The following ALPK2 variants were observed in gnomAD, a reference collection of about 807,000 sequenced individuals.
ALPK2 encodes alpha kinase 2.
ALPK2 carries 127 observed loss-of-function variants against 163.1 expected under a neutral mutation model. That is an observed-to-expected ratio of 0.78 (90% CI 0.67 to 0.90). ALPK2 has a LOEUF of 0.90. Ranked by LOEUF, ALPK2 falls within the 40% of genes least tolerant of loss-of-function variation. The pLI is 0.00. For synonymous variants in ALPK2, 953 were observed against 959.1 expected (o/e 0.99, Z 0.12); for missense variants, 2,360 against 2,589.6 (o/e 0.91, Z 1.92).
chr18:58,534,686 T>A, intron 5 of ALPK2, 148 bp downstream of exon 5: 1 of 1,053,210 alleles, frequency 9.5e-7, no homozygotes, highest in South Asian at 1.6e-5. Flanking sequence ...TGATGCCACA[T>A]GCTGAAGCCA....
At chr18:58,566,903 A>G (rs1294046364) in intron 4 of ALPK2, among the ~76,000 whole-genome samples, 1 of 152,174 alleles carries the variant, frequency 6.6e-6, no homozygotes, top group African/African-American at 2.4e-5. Flanking sequence ...TGCCTCTAAA[A>G]GTTGTAGTAT....
chr18:58,499,740 T>C (rs1341040072), intron 11 of ALPK2, among the ~76,000 whole-genome samples: 2 of 152,212 alleles, frequency 1.3e-5, no homozygotes, highest in Admixed American at 6.5e-5. Flanking sequence ...CCTCTTGGGC[T>C]CCATGGGCCG....
chr18:58,497,178 G>T (rs185253211), intron 12 of ALPK2, among the ~76,000 whole-genome samples: 58 of 152,278 alleles, frequency 3.8e-4, no homozygotes, highest in African/African-American at 1.3e-3. Flanking sequence ...CTTTTCAATG[G>T]CAACTATCTC....
At chr18:58,584,019 CAAA>C (rs1335767498) in intron 3 of ALPK2, among the ~76,000 whole-genome samples, 1 of 152,070 alleles carries the variant, frequency 6.6e-6, no homozygotes. Context: ...GGAGAGAAAA[CAAA>C]AAGACTTTTA....
At chr18:58,596,244 C>T (rs914915486) in intron 3 of ALPK2, among the ~76,000 whole-genome samples, 6 of 152,230 alleles carry the variant, frequency 3.9e-5, no homozygotes, top group African/African-American at 9.6e-5. Flanking sequence ...GGCTTCCCTT[C>T]GTCTGCCGTT....
intron 4 of ALPK2, among the ~76,000 whole-genome samples, chr18:58,559,662 G>A (rs1358087502): frequency 2.6e-5 from 4 of 152,156 alleles, no homozygotes; most frequent in Non-Finnish European, 4.4e-5. Context: ...GGCTTCTTGA[G>A]TCCCCAAGTG....
At chr18:58,573,961 A>G (rs2051905278) in intron 4 of ALPK2, among the ~76,000 whole-genome samples, 1 of 152,174 alleles carries the variant, frequency 6.6e-6, no homozygotes, top group African/African-American at 2.4e-5. Flanking sequence ...TTTCCAGGTG[A>G]GGAAACCAGC....
At chr18:58,554,773 G>T (rs908228463) in intron 4 of ALPK2, among the ~76,000 whole-genome samples, 1 of 152,122 alleles carries the variant, frequency 6.6e-6, no homozygotes, top group Non-Finnish European at 1.5e-5. Context: ...ATATGGTTTG[G>T]CTGTGTCCCC....
At chr18:58,606,698 C>T (rs1363903172) in intron 3 of ALPK2, among the ~76,000 whole-genome samples, 2 of 152,176 alleles carry the variant, frequency 1.3e-5, no homozygotes, top group African/African-American at 4.8e-5. Flanking sequence ...CATAATGGCA[C>T]TGTGACCAAT....
intron 4 of ALPK2, among the ~76,000 whole-genome samples, chr18:58,573,346 G>GTA (rs770735691): frequency 0.12 from 16,903 of 135,578 alleles, 1,068 homozygotes; most frequent in East Asian, 0.17. Context: ...GTATATATAT[G>GTA]TATATATATA....
chr18:58,548,916 G>A (rs1449564272), intron 4 of ALPK2, among the ~76,000 whole-genome samples: 1 of 152,164 alleles, frequency 6.6e-6, no homozygotes, highest in African/African-American at 2.4e-5. Context: ...TGCCTCTTCA[G>A]TCTGGTTCTC....
chr18:58,512,761 T>G (rs1404430669), intron 10 of ALPK2, among the ~76,000 whole-genome samples: 1 of 149,334 alleles, frequency 6.7e-6, no homozygotes, highest in African/African-American at 2.5e-5. Context: ...GTTGTGTGTA[T>G]GTGTATGTGT....
At position 58,481,776 on chromosome 18, in the gene ALPK2, C is replaced by G. The variant is rs536578168; in HGVS notation, c.*47G>C. Reference sequence around the variant, plus strand: ...CTGTGTGGCCTCAGATTTTCCCTGGCGAGATTGTGTGCTGCTAGCCAGTGG... The same window carrying G: ...CTGTGTGGCCTCAGATTTTCCCTGGGGAGATTGTGTGCTGCTAGCCAGTGG... On this transcript the variant is annotated 3_prime_UTR_variant, in exon 13 of 13. Coordinates refer to ENST00000361673, the MANE Select transcript of ALPK2 (RefSeq NM_052947.4). The G allele has an allele frequency of 6.7e-6, 10 of 1,496,730 alleles. No individual in the cohort carries two copies. The South Asian group carries it at 1.1e-4, about 17-fold the overall frequency. 92.7% of individuals were successfully genotyped at this position (1,496,730 alleles called of 1,614,324 possible). A position where few individuals can be genotyped will look rare whatever the true frequency, so the allele number is the denominator to read the frequency against.
At chr18:58,567,163 A>G (rs1317236898) in intron 4 of ALPK2, among the ~76,000 whole-genome samples, 5 of 151,990 alleles carry the variant, frequency 3.3e-5, no homozygotes, top group African/African-American at 1.2e-4. Flanking sequence ...AAGCAGGCAG[A>G]TCACCTGAGG....
rs540528401 is a variant in ALPK2 at position 58,512,782 on chromosome 18, T to C, written c.6029+2211A>G. Among the ~76,000 whole-genome samples the C allele has an allele frequency of 4.7e-5, 7 of 148,316 alleles. No individual in the cohort carries two copies. The South Asian group carries it at 1.5e-3, about 32-fold the overall frequency. ...TGTATGTGTATGTGTGTGGTGTGTGTGGTGTGTGGGGGTGTGTGTGATGTG... is the reference window on the plus strand; with the variant it reads ...TGTATGTGTATGTGTGTGGTGTGTGCGGTGTGTGGGGGTGTGTGTGATGTG... On this transcript the variant is annotated intron_variant, in intron 10 of 12. Coordinates refer to ENST00000361673, the MANE Select transcript of ALPK2 (RefSeq NM_052947.4).
At chr18:58,609,212 C>T (rs1472127044) in intron 2 of ALPK2, among the ~76,000 whole-genome samples, 1 of 151,464 alleles carries the variant, frequency 6.6e-6, no homozygotes, top group African/African-American at 2.4e-5. Context: ...CAGGTAAACA[C>T]CTGAGTAGTT....
At chr18:58,548,772 G>C (rs2051733665) in intron 4 of ALPK2, among the ~76,000 whole-genome samples, 1 of 152,110 alleles carries the variant, frequency 6.6e-6, no homozygotes, top group Admixed American at 6.5e-5. Context: ...TCGCTGAGAG[G>C]GACAACAACA....
At chr18:58,600,392 T>A (rs1236259177) in intron 3 of ALPK2, among the ~76,000 whole-genome samples, 1 of 152,196 alleles carries the variant, frequency 6.6e-6, no homozygotes, top group East Asian at 1.9e-4. Flanking sequence ...GTTTCATTCA[T>A]GAACAACAAC....
At position 58,578,905 on chromosome 18, in the gene ALPK2, T is replaced by A. The variant is rs1390230832; in HGVS notation, c.1871A>T (p.Lys624Ile). 33 of 1,614,226 alleles carry A rather than the reference T, an allele frequency of 2.0e-5. No homozygotes were observed. Among genetic ancestry groups the A allele is most frequent in the Non-Finnish European group, 2.8e-5 (33 of 1,180,044 alleles). The change falls in exon 4 of 13, where the codon AAA (lysine) becomes ATA (isoleucine). Residue 624 changes from lysine (K) to isoleucine (I), a missense_variant. Transcript: ENST00000361673. ...TCCCTTGCAATTTGTGTTGCCTTCT[T>A]TGGAGACTGAGTCTGTTGAAGTTTG... ...TLQTSTDSVS[K>I]EGNTNCKGEG...
Sources: allele counts gnomAD v4.1 joint callset (sites outside exome capture counted in the v4.1 genomes callset), GRCh38; gene constraint gnomAD v4.1.1; transcripts MANE v1.5; gene names NCBI Gene and HGNC (gene_info 2026-07-23, HGNC 2026-07-21).